Variants in SESTD1 observed in about 807,000 individuals in gnomAD.
SESTD1 encodes the protein SEC14 domain and spectrin repeat-containing protein 1.
SESTD1 carries 43 observed loss-of-function variants against 101.7 expected under a neutral mutation model. The ratio of observed to expected loss-of-function variants is 0.42; its 90% CI spans 0.33 to 0.55. The LOEUF (loss-of-function observed/expected upper bound fraction) is 0.55, where lower values mean the gene tolerates loss of function less well. SESTD1 is among the 20% of genes least tolerant of loss of function. The probability of loss-of-function intolerance (pLI) is 0.07; values close to 1 mark genes in which losing one functional copy is unlikely to be tolerated. For synonymous variants in SESTD1, 283 were observed against 286.8 expected, an observed-to-expected ratio of 0.99 and a Z score of 0.13; for missense variants, 647 against 815.1, an observed-to-expected ratio of 0.79 and a Z score of 2.51.
At chr2:179,193,762 T>C (rs1574024110) in intron 1 of SESTD1, among the ~76,000 whole-genome samples, 2 of 152,296 alleles carry the variant, frequency 1.3e-5, no homozygotes, top group African/African-American at 4.8e-5. Context: ...TATCTCTGGG[T>C]TGCATCCTAA....
chr2:179,214,870 T>G (rs766251550), intron 1 of SESTD1, among the ~76,000 whole-genome samples: 1 of 134,552 alleles, frequency 7.4e-6, no homozygotes, highest in South Asian at 2.8e-4. Context: ...AAACTGAACA[T>G]CCTGCTCCTG....
chr2:179,132,334 C>G lies in SESTD1; in HGVS notation c.942G>C (p.Gln314His). The G allele has an allele frequency of 6.4e-7, 1 of 1,558,404 alleles. No individual in the cohort carries two copies. Among genetic ancestry groups the G allele is most frequent in the Non-Finnish European group, 8.6e-7 (1 of 1,163,534 alleles). The change falls in exon 10 of 18, where the codon CAG becomes CAC. Residue 314 changes from glutamine to histidine, a missense_variant. By Grantham distance (24) the Gln-to-His change is conservative. Coordinates refer to ENST00000428443, the MANE Select transcript of SESTD1 (RefSeq NM_178123.5). Reference protein sequence around the residue: ...DSIRASQALQQKHEEIESQHS... With the variant: ...DSIRASQALQHKHEEIESQHS... The stretch of plus-strand genomic sequence containing the variant: ...GCTGGCTCTCAATCTCTTCGTGTTT[C>G]TGCTGTAGGGCCTGGGAGGCCCTAA...
At chr2:179,252,477 C>CT (rs1187348554) in intron 1 of SESTD1, among the ~76,000 whole-genome samples, 4 of 152,146 alleles carry the variant, frequency 2.6e-5, no homozygotes, top group African/African-American at 9.7e-5. Flanking sequence ...TGTAAGCTCT[C>CT]TTTTCTCTTG....
chr2:179,256,850 T>C (rs1483018477), intron 1 of SESTD1, among the ~76,000 whole-genome samples: 1 of 150,810 alleles, frequency 6.6e-6, no homozygotes, highest in Non-Finnish European at 1.5e-5. Context: ...GAGCAGTCAC[T>C]TCTTACAGAG....
intron 15 of SESTD1, among the ~76,000 whole-genome samples, chr2:179,116,255 C>G (rs561052735): frequency 6.8e-6 from 1 of 146,626 alleles, no homozygotes; most frequent in East Asian, 2.0e-4. Flanking sequence ...GCCTGGGCAA[C>G]AGAGGAAGAC....
At chr2:179,190,673 T>G (rs79453757) in intron 2 of SESTD1, among the ~76,000 whole-genome samples, 1 of 152,002 alleles carries the variant, frequency 6.6e-6, no homozygotes, top group Non-Finnish European at 1.5e-5. Flanking sequence ...CATAATGAAC[T>G]TAATCAATTC....
At chr2:179,185,740 A>G (rs1389711036) in intron 2 of SESTD1, among the ~76,000 whole-genome samples, 1 of 113,542 alleles carries the variant, frequency 8.8e-6, no homozygotes, top group African/African-American at 3.7e-5. Flanking sequence ...ATATAATATA[A>G]TATAGTATAT....
At position 179,153,484 on chromosome 2, in the gene SESTD1, A is replaced by G. The variant is rs568727706; in HGVS notation, c.370-2093T>C. 5.9e-5 allele frequency among the ~76,000 whole-genome samples: 9 copies of G among 152,244 alleles called. No individual in the cohort carries two copies. In the South Asian group the frequency reaches 1.7e-3, roughly 28 times the overall value. ...ACAATATATTTCATTTTAAATGAAC[A>G]CACACACACTCTCTCGCTCTCTCTC... On this transcript the variant is annotated intron_variant, in intron 5 of 17. Coordinates refer to ENST00000428443, the MANE Select transcript of SESTD1 (RefSeq NM_178123.5).
chr2:179,185,873 TATATA>T (rs2046220640), intron 2 of SESTD1, among the ~76,000 whole-genome samples: 1 of 135,482 alleles, frequency 7.4e-6, no homozygotes, highest in African/African-American at 2.7e-5. Flanking sequence ...TTATATACAA[TATATA>T]ATATAGCATA....
rs1290621271 is a variant in SESTD1 at position 179,207,816 on chromosome 2, T to C, written c.-25-15950A>G. Among the ~76,000 whole-genome samples the C allele has an allele frequency of 1.5e-5, 2 of 133,878 alleles. 1 individual carries two copies. The highest frequency in any genetic ancestry group is 5.9e-5 in the African/African-American group (2 of 33,616). The allele number at this position is 133,878 out of a possible 152,430, so 87.8% of individuals were successfully genotyped here. ...TTCTGGTAACATGACAAAATGAGGT[T>C]CTATAACACCCCCAAAAGATCACAC... On this transcript the variant is annotated intron_variant, in intron 1 of 17. Coordinates refer to ENST00000428443, the MANE Select transcript of SESTD1 (RefSeq NM_178123.5).
At chr2:179,151,771 G>A (rs575242381) in intron 5 of SESTD1, among the ~76,000 whole-genome samples, 3 of 152,180 alleles carry the variant, frequency 2.0e-5, no homozygotes, top group East Asian at 3.9e-4. Context: ...GCCCTATGAA[G>A]AGTAAATCTG....
At chr2:179,158,875 G>C (rs948686555) in intron 5 of SESTD1, among the ~76,000 whole-genome samples, 4 of 152,178 alleles carry the variant, frequency 2.6e-5, no homozygotes, top group Admixed American at 6.5e-5. Flanking sequence ...AAAAGCAACA[G>C]TTTACACAAT....
At chr2:179,253,074 C>A (rs1256363587) in intron 1 of SESTD1, among the ~76,000 whole-genome samples, 1 of 152,096 alleles carries the variant, frequency 6.6e-6, no homozygotes, top group Non-Finnish European at 1.5e-5. Context: ...TCACAGACTT[C>A]CAAACATAAA....
chr2:179,196,697 G>C (rs1055377734), intron 1 of SESTD1, among the ~76,000 whole-genome samples: 3 of 152,138 alleles, frequency 2.0e-5, no homozygotes, highest in Non-Finnish European at 2.9e-5. Context: ...AGAAGGGGCA[G>C]ACTGACACCT....
chr2:179,249,900 A>T (rs1321958624), intron 1 of SESTD1, among the ~76,000 whole-genome samples: 1 of 151,898 alleles, frequency 6.6e-6, no homozygotes, highest in Non-Finnish European at 1.5e-5. Context: ...CAAAAAAAAA[A>T]AAAAAGAACC....
rs573167477 is a variant in SESTD1, at chr2:179,172,358, A to C, written c.256-125T>G. ...ATTTTTGGAGAAGAATTAAAATAAT[A>C]AAGAAGAAATTCTCTAGACTTCAAA... is the stretch of plus-strand genomic sequence containing the variant. On this transcript the variant is annotated intron_variant, in intron 4 of 17. Coordinates refer to ENST00000428443, the MANE Select transcript of SESTD1 (RefSeq NM_178123.5). The C allele has an allele frequency of 1.5e-5, 8 of 544,714 alleles. No homozygotes were observed. The African/African-American group carries it at 1.5e-4, about 10-fold the overall frequency. 33.7% of individuals were successfully genotyped at this position (544,714 alleles called of 1,614,324 possible). A position where few individuals can be genotyped will look rare whatever the true frequency, so the allele number is the denominator to read the frequency against.
chr2:179,110,744 C>CT, intron 17 of SESTD1, among the ~76,000 whole-genome samples: 1 of 152,212 alleles, frequency 6.6e-6, no homozygotes, highest in Admixed American at 6.5e-5. Flanking sequence ...GTCAAACAAA[C>CT]TATACATGGC....
chr2:179,227,757 G>C (rs989424157), intron 1 of SESTD1, among the ~76,000 whole-genome samples: 1 of 152,082 alleles, frequency 6.6e-6, no homozygotes, highest in African/African-American at 2.4e-5. Flanking sequence ...TGGAGCTCTT[G>C]ACATTACTAG....
chr2:179,135,789 T>C (rs975514276), intron 9 of SESTD1, among the ~76,000 whole-genome samples: 1 of 151,892 alleles, frequency 6.6e-6, no homozygotes, highest in Non-Finnish European at 1.5e-5. Context: ...ACAGCAAAAC[T>C]CAAAAACAAA....
Sources: allele counts gnomAD v4.1 joint callset (sites outside exome capture counted in the v4.1 genomes callset), GRCh38; gene constraint gnomAD v4.1.1; transcripts MANE v1.5; gene names NCBI Gene and HGNC (gene_info 2026-07-23, HGNC 2026-07-21).